The following POLR1D variants were observed in gnomAD, a reference collection of about 807,000 sequenced individuals.
POLR1D encodes DNA-directed RNA polymerases I and III subunit RPAC2.
Under a neutral mutation model 10.8 loss-of-function variants are expected in POLR1D, and 8 were observed. That is an observed-to-expected ratio of 0.74 (90% CI 0.43 to 1.33). The LOEUF (loss-of-function observed/expected upper bound fraction) is 1.33. Among genes scored for constraint, POLR1D ranks in the 40% most tolerant of loss-of-function variants. The probability of loss-of-function intolerance (pLI) is 0.01; values close to 1 mark genes in which losing one functional copy is unlikely to be tolerated. For missense variants in POLR1D, 152 were observed against 161.7 expected, an observed-to-expected ratio of 0.94 and a Z score of 0.32; for synonymous variants, 54 against 57.2, an observed-to-expected ratio of 0.94 and a Z score of 0.25.
chr13:27,646,139 G>A (rs1013955032), intron 1 of POLR1D: 5 of 152,098 alleles, frequency 3.3e-5, no homozygotes, highest in Admixed American at 3.3e-4. Context: ...TCATAATTGG[G>A]GAACTGCCCC....
intron 2 of POLR1D, among the ~76,000 whole-genome samples, chr13:27,659,543 T>C (rs544889921): frequency 2.0e-5 from 3 of 152,332 alleles, no homozygotes; most frequent in East Asian, 3.9e-4. Context: ...ACACTCCTTG[T>C]ATGGCATCAC....
At chr13:27,662,367 C>CCA (rs903335154) in intron 2 of POLR1D, among the ~76,000 whole-genome samples, 1 of 151,772 alleles carries the variant, frequency 6.6e-6, no homozygotes, top group African/African-American at 2.4e-5. Flanking sequence ...TAGACACCCC[C>CCA]CCCACCACTA....
exon 2 of POLR1D, chr13:27,648,384 C>A: frequency 1.2e-6 from 2 of 1,601,810 alleles, no homozygotes; most frequent in Non-Finnish European, 1.7e-6. Context: ...ATCAGGAAAG[C>A]AATAGAAGAA....
intron 2 of POLR1D, among the ~76,000 whole-genome samples, chr13:27,653,332 A>G (rs1384279182): frequency 1.3e-5 from 2 of 152,010 alleles, no homozygotes; most frequent in Admixed American, 1.3e-4. Flanking sequence ...GGGTTCTTTG[A>G]CTACAGAAAA....
chr13:27,660,869 G>A (rs1052975396), intron 2 of POLR1D: 3 of 152,156 alleles, frequency 2.0e-5, no homozygotes, highest in African/African-American at 7.2e-5. Context: ...TTCGGATGAC[G>A]GCTGTGGAGA....
intron 2 of POLR1D, among the ~76,000 whole-genome samples, chr13:27,659,835 G>A (rs948945171): frequency 2.6e-5 from 4 of 151,724 alleles, no homozygotes; most frequent in South Asian, 4.2e-4. Context: ...CAAAGACAGA[G>A]ACACATAAAC....
chr13:27,624,605 TA>T (rs953779737), downstream of POLR1D, among the ~76,000 whole-genome samples: 5 of 151,234 alleles, frequency 3.3e-5, no homozygotes, highest in African/African-American at 4.9e-5. Flanking sequence ...AAGAGCCCCT[TA>T]AAAAAAAATT....
upstream of POLR1D, chr13:27,621,336 G>A (rs1955913710): frequency 6.6e-6 from 1 of 152,406 alleles, no homozygotes; most frequent in South Asian, 2.1e-4. Context: ...TTTTGACCCA[G>A]TTGAAAATGC....
intron 2 of POLR1D, chr13:27,650,327 C>T (rs1956255275): frequency 2.9e-6 from 1 of 344,972 alleles, no homozygotes; most frequent in Non-Finnish European, 5.2e-6. Context: ...CTCACCTGAG[C>T]CTCAGTGTTC....
At chr13:27,629,036 C>T (rs1238259167) in intron 1 of POLR1D, among the ~76,000 whole-genome samples, 1 of 152,138 alleles carries the variant, frequency 6.6e-6, no homozygotes, top group Non-Finnish European at 1.5e-5. Flanking sequence ...GTTGCCCAGG[C>T]TGGTCTTGAA....
intron 1 of POLR1D, among the ~76,000 whole-genome samples, chr13:27,629,422 A>T (rs1438784336): frequency 6.6e-6 from 1 of 152,252 alleles, no homozygotes; most frequent in African/African-American, 2.4e-5. Flanking sequence ...TACCTGAACC[A>T]TAAAGCATAC....
At position 27,663,209 on chromosome 13, in the gene POLR1D, T is replaced by A. The variant is rs913998285; in HGVS notation, c.102-2477T>A. 1.3e-5 allele frequency among the ~76,000 whole-genome samples: 2 copies of A among 149,868 alleles called. No homozygotes were observed. Among genetic ancestry groups the A allele is most frequent in the Non-Finnish European group, 1.5e-5 (1 of 67,336 alleles). On this transcript the variant is annotated intron_variant, in intron 2 of 2. Coordinates refer to the POLR1D transcript ENST00000399697. This position sits in a 1 kb window ranked among gnomAD's most constrained non-coding sequence, Gnocchi z 4.1. ...ATCTGCTTGCAACTACTGTATCTCA[T>A]TGCCCTGCCCTATTTATTAGTAGAG...
intron 2 of POLR1D, among the ~76,000 whole-genome samples, chr13:27,661,302 C>T (rs1956361732): frequency 1.3e-5 from 2 of 152,214 alleles, no homozygotes; most frequent in South Asian, 2.1e-4. Flanking sequence ...TTTAACCAGT[C>T]TCATGATATT....
chr13:27,656,585 T>C (rs1956310061), intron 2 of POLR1D, among the ~76,000 whole-genome samples: 1 of 152,152 alleles, frequency 6.6e-6, no homozygotes, highest in Non-Finnish European at 1.5e-5. Context: ...CACCATTAGA[T>C]TGGCAGAAAT....
chr13:27,648,044 T>G, intron 1 of POLR1D: 1 of 205,252 alleles, frequency 4.9e-6, no homozygotes, highest in Non-Finnish European at 1.0e-5. Flanking sequence ...TTTGAAAAAA[T>G]ATAGATATAT....
intron 1 of POLR1D, among the ~76,000 whole-genome samples, chr13:27,631,609 A>G (rs1410155103): frequency 6.6e-6 from 1 of 152,158 alleles, no homozygotes; most frequent in East Asian, 1.9e-4. Flanking sequence ...ATATTCCTTC[A>G]TAGTACTCAT....
At chr13:27,621,705 G>A, upstream of POLR1D, 1 of 263,528 alleles carries the variant, frequency 3.8e-6, no homozygotes, top group East Asian at 7.6e-5. Context: ...CCCGCCCCCT[G>A]CCCCTCCCGC....
rs201566325 is a variant in POLR1D, at chr13:27,629,900, C to CTTTATTTA, written c.26+7911_26+7918dup. ...GATTGTAAAAACTGCATTAAAAAGA[C>CTTTATTTA]TTTATTTATTTATTTATTTATTTAT... On this transcript the variant is annotated intron_variant, in intron 1 of 2. Transcript: ENST00000399697. Among the ~76,000 whole-genome samples the CTTTATTTA allele has an allele frequency of 5.9e-5, 9 of 151,976 alleles. No homozygotes were observed. The East Asian group carries it at 7.7e-4, about 13-fold the overall frequency.
intron 2 of POLR1D, among the ~76,000 whole-genome samples, chr13:27,652,911 CTTTTTTT>C (rs71083685): frequency 3.4e-5 from 3 of 89,332 alleles, no homozygotes; most frequent in African/African-American, 4.9e-5. Context: ...TTTACCATTT[CTTTTTTT>C]TTTTTTTTTT....
Sources: gnomAD v4.1 joint callset for allele counts (sites outside exome capture counted in the v4.1 genomes callset) on GRCh38, gnomAD v4.1.1 for gene constraint, Gnocchi (gnomAD v3.1) non-coding constraint, MANE v1.5 for transcripts, NCBI Gene and HGNC (gene_info 2026-07-23, HGNC 2026-07-21) for gene names.